TIPIN: variants seen among roughly 807,000 people sequenced by gnomAD.
TIPIN encodes TIMELESS-interacting protein.
In TIPIN, 29 loss-of-function variants were observed where a neutral mutation model predicts 35.6. The observed-to-expected ratio is 0.82, with a 90% CI of 0.61 to 1.11. The LOEUF is 1.11. Among genes scored for constraint, TIPIN ranks in the 50% most tolerant of loss-of-function variants. TIPIN has a pLI of 0.00. For synonymous variants in TIPIN, 102 were observed against 121.5 expected, an observed-to-expected ratio of 0.84 and a Z score of 1.06; for missense variants, 296 against 345.4, an observed-to-expected ratio of 0.86 and a Z score of 1.13.
intron 1 of TIPIN, among the ~76,000 whole-genome samples, chr15:66,369,794 CT>C (rs2093271368): frequency 1.3e-5 from 2 of 152,294 alleles, no homozygotes; most frequent in Admixed American, 1.3e-4. Context: ...CACCGATAAA[CT>C]TTATAATGGC....
upstream of TIPIN, among the ~76,000 whole-genome samples, chr15:66,360,400 G>A (rs1289353351): frequency 3.3e-5 from 5 of 152,070 alleles, no homozygotes; most frequent in African/African-American, 1.2e-4. Flanking sequence ...GAGTCCAGGA[G>A]TCCCGGACCA....
At chr15:66,376,224 T>C (rs1353740414) in intron 1 of TIPIN, among the ~76,000 whole-genome samples, 1 of 152,228 alleles carries the variant, frequency 6.6e-6, no homozygotes, top group Non-Finnish European at 1.5e-5. Context: ...TATACCAGCA[T>C]AAATATGTCT....
intron 1 of TIPIN, among the ~76,000 whole-genome samples, chr15:66,353,943 A>AC (rs1401633628): frequency 6.6e-6 from 1 of 151,760 alleles, no homozygotes; most frequent in Non-Finnish European, 1.5e-5. Context: ...ACACAGTGAA[A>AC]CCCCGTCTCT....
In TIPIN at chr15:66,352,412, C is replaced by T. The variant is rs2093174323; in HGVS notation, c.134-205G>A. 2.6e-5 allele frequency among the ~76,000 whole-genome samples: 4 copies of T among 152,172 alleles called. 1 individual carries two copies. The South Asian group carries it at 8.3e-4, about 31-fold the overall frequency. On this transcript the variant is annotated intron_variant, in intron 2 of 7. Coordinates refer to ENST00000261881, the MANE Select transcript of TIPIN (RefSeq NM_017858.3). Reference sequence around the variant, plus strand: ...CTCCTAGGCTCAAGAGATTCTTCTGCCTCAGTATCCCGAGTACCTGGAAGT... The same window carrying T: ...CTCCTAGGCTCAAGAGATTCTTCTGTCTCAGTATCCCGAGTACCTGGAAGT...
At position 66,349,124 on chromosome 15, in the gene TIPIN, C is replaced by G; in HGVS notation, c.412-1G>C. 2 of 1,610,488 alleles carry G rather than the reference C, an allele frequency of 1.2e-6. No individual in the cohort carries two copies. Among genetic ancestry groups the G allele is most frequent in the Non-Finnish European group, 1.7e-6 (2 of 1,178,500 alleles). ...CAAGTCGAATTCGTTTTAAACAGGT[C>G]TGAAAATGAAAAGAGATTATTTATT... is the stretch of plus-strand genomic sequence containing the variant. On this transcript the variant is annotated splice_acceptor_variant, in intron 5 of 7. Coordinates refer to ENST00000261881, the MANE Select transcript of TIPIN (RefSeq NM_017858.3). LOFTEE classifies it high-confidence loss of function.
At chr15:66,373,487 C>T (rs549567199) in intron 1 of TIPIN, among the ~76,000 whole-genome samples, 9 of 142,398 alleles carry the variant, frequency 6.3e-5, no homozygotes, top group South Asian at 2.2e-4. Flanking sequence ...AGCGAGACTC[C>T]GTCTCAAAAA....
rs62627302 is a variant in TIPIN at position 66,349,577 on chromosome 15, A to C, written c.289-140T>G. 1,583 of 1,125,142 alleles carry C rather than the reference A, an allele frequency of 1.4e-3. 31 individuals carry two copies. The East Asian group carries it at 0.037, about 26-fold the overall frequency. The allele number at this position is 1,125,142 out of a possible 1,614,324, so 69.7% of individuals were successfully genotyped here. A position where few individuals can be genotyped will look rare whatever the true frequency, so the allele number is the denominator to read the frequency against. On this transcript the variant is annotated intron_variant, in intron 4 of 7. Coordinates refer to ENST00000261881, the MANE Select transcript of TIPIN (RefSeq NM_017858.3). ...TAAGGTTGAAAAACTTATAAAAGGA[A>C]CTTTAATAAGAAAAATATTGGCCAG...
chr15:66,379,536 C>T (rs1430264128), intron 1 of TIPIN: 10 of 1,610,492 alleles, frequency 6.2e-6, no homozygotes, highest in African/African-American at 2.7e-5. Context: ...TGGTCTCATC[C>T]GCACCCTGCG....
chr15:66,360,826 C>A (rs902011436), upstream of TIPIN, among the ~76,000 whole-genome samples: 1 of 152,106 alleles, frequency 6.6e-6, no homozygotes, highest in Non-Finnish European at 1.5e-5. Flanking sequence ...ATTAGCCCAT[C>A]GTGGTGGTGG....
intron 1 of TIPIN, chr15:66,366,778 AAAAAGAAAG>A: frequency 1.0e-6 from 1 of 961,040 alleles, no homozygotes; most frequent in Non-Finnish European, 1.2e-6. Flanking sequence ...AAAAAAAAAA[AAAAAGAAAG>A]AAAGAAAGAA....
intron 1 of TIPIN, among the ~76,000 whole-genome samples, chr15:66,375,173 G>A (rs2093291822): frequency 6.6e-6 from 1 of 152,076 alleles, no homozygotes; most frequent in Non-Finnish European, 1.5e-5. Flanking sequence ...CAGCTACTCA[G>A]GAGGCTGAGG....
chr15:66,382,185 C>T (rs1159640421), intron 1 of TIPIN: 1 of 194,762 alleles, frequency 5.1e-6, no homozygotes, highest in Non-Finnish European at 9.3e-6. Context: ...ATGCTCATAA[C>T]TATTTAGTGC....
intron 1 of TIPIN, chr15:66,382,867 C>A (rs537630150): frequency 1.3e-6 from 1 of 785,266 alleles, no homozygotes; most frequent in African/African-American, 1.9e-5. Context: ...ATAGTTCAGT[C>A]TTATTCTTGT....
At chr15:66,366,466 A>G (rs2093254704) in intron 1 of TIPIN, among the ~76,000 whole-genome samples, 1 of 146,604 alleles carries the variant, frequency 6.8e-6, no homozygotes, top group African/African-American at 2.5e-5. Flanking sequence ...AAAATAAAGC[A>G]CATTAAGCTG....
intron 1 of TIPIN, among the ~76,000 whole-genome samples, chr15:66,364,413 C>T (rs1394607882): frequency 6.6e-6 from 1 of 151,856 alleles, no homozygotes; most frequent in African/African-American, 2.4e-5. Context: ...ATCTGCCCGC[C>T]TCGGCTTCCC....
chr15:66,347,346 G>T, intron 6 of TIPIN: 1 of 506,662 alleles, frequency 2.0e-6, no homozygotes, highest in Admixed American at 2.0e-5. Context: ...CAGTCACAAA[G>T]GTCTCACTAA....
intron 1 of TIPIN, among the ~76,000 whole-genome samples, chr15:66,377,849 TC>T (rs2093303273): frequency 4.0e-5 from 6 of 151,366 alleles, no homozygotes. Flanking sequence ...ACTAATTTTT[TC>T]TTTTTTTTTT....
chr15:66,356,139 C>T (rs1033712497), intron 1 of TIPIN, among the ~76,000 whole-genome samples: 1 of 152,016 alleles, frequency 6.6e-6, no homozygotes, highest in African/African-American at 2.4e-5. Context: ...TTTCCAATGC[C>T]CACCTCTTTT....
rs922506490 is a variant in TIPIN at position 66,336,984 on chromosome 15, A to G, written c.880T>C (p.Ser294Pro). 2 of 1,612,610 alleles carry G rather than the reference A, an allele frequency of 1.2e-6. No individual in the cohort carries two copies. The highest frequency in any genetic ancestry group is 1.7e-6 in the Non-Finnish European group (2 of 1,179,000). Reference protein sequence around the residue: ...KNVQQQLDATSRNITEAR With the variant: ...KNVQQQLDATPRNITEAR Reference sequence around the variant, plus strand: ...TATCTAGCTTCAGTAATATTTCTGGATGTAGCATCAAGTTGCTGTTGCACA... The same window carrying G: ...TATCTAGCTTCAGTAATATTTCTGGGTGTAGCATCAAGTTGCTGTTGCACA... The change falls in exon 8 of 8, where the codon TCC becomes CCC. Residue 294 changes from serine (S) to proline (P), a missense_variant. Physicochemically the swap from Ser to Pro is moderately conservative, Grantham distance 74. Coordinates refer to ENST00000261881, the MANE Select transcript of TIPIN (RefSeq NM_017858.3).
Sources: gnomAD v4.1 joint callset for allele counts (sites outside exome capture counted in the v4.1 genomes callset) on GRCh38, gnomAD v4.1.1 for gene constraint, MANE v1.5 for transcripts, NCBI Gene and HGNC (gene_info 2026-07-23, HGNC 2026-07-21) for gene names.